The following KLF16 variants were observed in gnomAD, a reference collection of about 807,000 sequenced individuals.
KLF16 encodes Krueppel-like factor 16.
A neutral mutation model predicts 6.1 loss-of-function variants in KLF16; 6 were observed. The observed-to-expected ratio is 0.98, with a 90% CI of 0.54 to 1.93. The LOEUF is 1.93. Among genes scored for constraint, KLF16 ranks in the 30% most tolerant of loss-of-function variants. The pLI, the probability that KLF16 is intolerant of heterozygous loss-of-function variation, is 0.01. For synonymous variants in KLF16, 211 were observed against 176.5 expected, an observed-to-expected ratio of 1.20 and a Z score of -1.55; for missense variants, 355 against 363.8, an observed-to-expected ratio of 0.98 and a Z score of 0.20.
chr19:1,866,842 G>C (rs1472284289), upstream of KLF16, among the ~76,000 whole-genome samples: 1 of 151,704 alleles, frequency 6.6e-6, no homozygotes, highest in Non-Finnish European at 1.5e-5. Flanking sequence ...GACTGGGAGA[G>C]GACCGAGAAC....
At position 1,863,147 on chromosome 19, in the gene KLF16, G is replaced by T. The variant is rs1054078869; in HGVS notation, c.351C>A (p.Gly117=). 1.5e-6 allele frequency: 2 copies of T among 1,316,360 alleles called. No individual in the cohort carries two copies. Among genetic ancestry groups the T allele is most frequent in the Non-Finnish European group, 2.0e-6 (2 of 1,015,066 alleles). The allele number at this position is 1,316,360 out of a possible 1,614,324, so 81.5% of individuals were successfully genotyped here. The change falls in exon 1 of 2, where the codon GGC becomes GGA. Residue 117 remains glycine, a synonymous_variant. Transcript: ENST00000250916. ...ASSPSSGRAP[G]AAPSAAAKSH... Reference sequence around the variant, plus strand: ...TCTTGGCGGCGGCGGAGGGCGCGGCGCCGGGGGCGCGGCCCGAGGACGGGG... The same window carrying T: ...TCTTGGCGGCGGCGGAGGGCGCGGCTCCGGGGGCGCGGCCCGAGGACGGGG...
upstream of KLF16, chr19:1,863,595 G>A: frequency 2.5e-6 from 1 of 407,004 alleles, no homozygotes; most frequent in Non-Finnish European, 3.3e-6. Flanking sequence ...AGGCGGAGGA[G>A]GAGGAGGAGG....
intron 1 of KLF16, among the ~76,000 whole-genome samples, chr19:1,856,299 GC>G (rs1455326674): frequency 6.6e-6 from 1 of 152,158 alleles, no homozygotes; most frequent in African/African-American, 2.4e-5. Context: ...GGAGGGGTCT[GC>G]CCACTGAGGG....
At chr19:1,868,475 T>A (rs1227542054), upstream of KLF16, among the ~76,000 whole-genome samples, 1 of 51,220 alleles carries the variant, frequency 2.0e-5, no homozygotes, top group Non-Finnish European at 7.8e-5. Context: ...TTTTTTTTTT[T>A]TTTTTTTTTT....
chr19:1,854,153 G>A lies in KLF16; in HGVS notation c.*306C>T, dbSNP rs555508014. 9.0e-6 allele frequency: 3 copies of A among 332,782 alleles called. No homozygotes were observed. The highest frequency in any genetic ancestry group is 1.1e-4 in the South Asian group (1 of 9,362). The allele number at this position is 332,782 out of a possible 1,614,324, so 20.6% of individuals were successfully genotyped here. A position where few individuals can be genotyped will look rare whatever the true frequency, so the allele number is the denominator to read the frequency against. On this transcript the variant is annotated 3_prime_UTR_variant, in exon 2 of 2. Transcript: ENST00000250916. ...CCCCACCCCGGGAGGGGGGCAGCAG[G>A]GGGTGGTGGAGAGGAGAGGGGAGGA...
intron 1 of KLF16, chr19:1,862,829 G>C (rs907845482): frequency 7.6e-5 from 25 of 330,240 alleles, no homozygotes; most frequent in Middle Eastern, 1.7e-3. Context: ...CACTGCCGCC[G>C]GGGCGGCCAT....
chr19:1,863,137 A>G lies in KLF16; in HGVS notation c.361T>C (p.Ser121Pro), dbSNP rs902971530. The G allele has an allele frequency of 3.0e-6, 4 of 1,332,584 alleles. No homozygotes were observed. The African/African-American group carries it at 4.7e-5, about 16-fold the overall frequency. The allele number at this position is 1,332,584 out of a possible 1,614,324, so 82.5% of individuals were successfully genotyped here. ...SSGRAPGAAP[S>P]AAAKSHRCPF... ...CAGCGGTGGCTCTTGGCGGCGGCGGAGGGCGCGGCGCCGGGGGCGCGGCCC... is the reference window on the plus strand; with the variant it reads ...CAGCGGTGGCTCTTGGCGGCGGCGGGGGGCGCGGCGCCGGGGGCGCGGCCC... Residue 121 changes from serine to proline, a missense_variant, in exon 1 of 2, where the codon TCC (serine) becomes CCC (proline). By Grantham distance (74) the Ser-to-Pro change is moderately conservative (BLOSUM62 -1). Coordinates refer to ENST00000250916, the MANE Select transcript of KLF16 (RefSeq NM_031918.4).
chr19:1,863,675 A>T (rs1361400560), upstream of KLF16: 2 of 151,162 alleles, frequency 1.3e-5, no homozygotes, highest in African/African-American at 5.1e-5. Context: ...GTCCTGACGC[A>T]CCGGAGCCCG....
At chr19:1,865,520 C>G (rs1021109518), upstream of KLF16, among the ~76,000 whole-genome samples, 1 of 152,252 alleles carries the variant, frequency 6.6e-6, no homozygotes, top group Non-Finnish European at 1.5e-5. Flanking sequence ...CCTCAAGGGG[C>G]TTACAGTTGT....
chr19:1,867,403 T>G (rs1392488919), upstream of KLF16, among the ~76,000 whole-genome samples: 1 of 152,158 alleles, frequency 6.6e-6, no homozygotes, highest in African/African-American at 2.4e-5. Context: ...GACCCCTGTC[T>G]GCATAAAAAA....
chr19:1,857,264 A>C lies in KLF16; in HGVS notation c.458-2504T>G, dbSNP rs2011972831. On this transcript the variant is annotated intron_variant, in intron 1 of 1. Transcript: ENST00000250916. The surrounding 1 kb of genome is among the most constrained non-coding windows in gnomAD (Gnocchi z 4.7). ...AAATGCCAGGCCCTGCCTCGCACAC[A>C]ATCCACTCGCAGGGAGGAGGGTGGG... Among the ~76,000 whole-genome samples, 1 of 152,132 alleles carries C rather than the reference A, an allele frequency of 6.6e-6. No individual in the cohort carries two copies.
chr19:1,858,470 T>C (rs2011998218), intron 1 of KLF16, among the ~76,000 whole-genome samples: 2 of 152,132 alleles, frequency 1.3e-5, no homozygotes, highest in Admixed American at 1.3e-4. Flanking sequence ...TCTGCACCCC[T>C]GCACTCCAGT....
At chr19:1,870,720 G>C in the KLF16 span, among the ~76,000 whole-genome samples, 1 of 152,348 alleles carries the variant, frequency 6.6e-6, no homozygotes, top group African/African-American at 2.4e-5. Context: ...TCCTGGCCTG[G>C]CGTGGTGGCT....
chr19:1,862,574 G>A (rs1257385670), intron 1 of KLF16, among the ~76,000 whole-genome samples: 1 of 152,152 alleles, frequency 6.6e-6, no homozygotes, highest in East Asian at 1.9e-4. Context: ...GGGAGAATCC[G>A]CGCGGCCACC....
the KLF16 span, among the ~76,000 whole-genome samples, chr19:1,871,347 G>A: frequency 7.9e-5 from 12 of 152,212 alleles, no homozygotes; most frequent in South Asian, 1.0e-3. Flanking sequence ...GGGACTGGAC[G>A]GGCTGCGGAG....
At position 1,854,288 on chromosome 19, in the gene KLF16, G is replaced by A. The variant is rs773762167; in HGVS notation, c.*171C>T. 5 of 743,598 alleles carry A rather than the reference G, an allele frequency of 6.7e-6. No homozygotes were observed. Among genetic ancestry groups the A allele is most frequent in the Non-Finnish European group, 7.7e-6 (4 of 517,628 alleles). 46.1% of individuals were successfully genotyped at this position (743,598 alleles called of 1,614,324 possible). A position where few individuals can be genotyped will look rare whatever the true frequency, so the allele number is the denominator to read the frequency against. On this transcript the variant is annotated 3_prime_UTR_variant, in exon 2 of 2. Transcript: ENST00000250916. Reference sequence around the variant, plus strand: ...ACCCATCCTGAGAGCCACCTCTGAGGTCAGGCAGACCCAGGTCCAGTCTCA... The same window carrying A: ...ACCCATCCTGAGAGCCACCTCTGAGATCAGGCAGACCCAGGTCCAGTCTCA...
chr19:1,856,879 C>G (rs922736534), intron 1 of KLF16, among the ~76,000 whole-genome samples: 1 of 149,898 alleles, frequency 6.7e-6, no homozygotes, highest in Non-Finnish European at 1.5e-5. Flanking sequence ...GTTCACTTCC[C>G]CTTTCAGGGC....
the KLF16 span, among the ~76,000 whole-genome samples, chr19:1,872,537 C>T: frequency 4.6e-5 from 7 of 152,322 alleles, no homozygotes; most frequent in Middle Eastern, 0.01. Context: ...AGGGCGGGTC[C>T]CAGAGTCGCG....
the KLF16 span, among the ~76,000 whole-genome samples, chr19:1,869,930 CTTTTTTTT>C: frequency 2.6e-3 from 289 of 109,726 alleles, 1 homozygote; most frequent in African/African-American, 7.4e-3. Context: ...AATACTTTTT[CTTTTTTTT>C]TTTTTTTTTT....
Sources: gnomAD v4.1 joint callset for allele counts (sites outside exome capture counted in the v4.1 genomes callset) on GRCh38, gnomAD v4.1.1 for gene constraint, Gnocchi (gnomAD v3.1) non-coding constraint, MANE v1.5 for transcripts, NCBI Gene and HGNC (gene_info 2026-07-23, HGNC 2026-07-21) for gene names.